Variants in PPP2R5E observed in about 807,000 individuals in gnomAD.
PPP2R5E encodes the protein serine/threonine-protein phosphatase 2A 56 kDa regulatory subunit epsilon isoform.
A neutral mutation model predicts 65.3 loss-of-function variants in PPP2R5E; 4 were observed. The ratio of observed to expected loss-of-function variants is 0.06; its 90% CI spans 0.03 to 0.14. The LOEUF is 0.14. Ranked by LOEUF, PPP2R5E falls within the 10% of genes least tolerant of loss-of-function variation. The probability of loss-of-function intolerance (pLI) is 1.00; values close to 1 mark genes in which losing one functional copy is unlikely to be tolerated. For missense variants in PPP2R5E, 274 were observed against 556.1 expected, an observed-to-expected ratio of 0.49 and a Z score of 5.10; for synonymous variants, 183 against 187.4, an observed-to-expected ratio of 0.98 and a Z score of 0.19.
rs1416255534 is a variant in PPP2R5E at position 63,372,917 on chromosome 14, A to T, written c.*3092T>A. 6.6e-6 allele frequency: 1 copy of T among 152,112 alleles called. No homozygotes were observed. The highest frequency in any genetic ancestry group is 1.5e-5 in the Non-Finnish European group (1 of 68,010). The allele number at this position is 152,112 out of a possible 1,614,324, so 9.4% of individuals were successfully genotyped here. On this transcript the variant is annotated 3_prime_UTR_variant, in exon 14 of 14. Transcript: ENST00000337537. ...TCCAGTGGCATCGAGGGTATTATTT[A>T]TTTCTTTTTTTTTCTTTTCTTTTAT... is the stretch of plus-strand genomic sequence containing the variant.
At chr14:63,403,198 G>A (rs779765340) in intron 5 of PPP2R5E, among the ~76,000 whole-genome samples, 4 of 152,010 alleles carry the variant, frequency 2.6e-5, no homozygotes, top group African/African-American at 7.2e-5. Context: ...AGACGAAGGC[G>A]GGCTGATCAC....
chr14:63,537,619 G>C (rs1220367787), intron 2 of PPP2R5E, among the ~76,000 whole-genome samples: 1 of 152,086 alleles, frequency 6.6e-6, no homozygotes, highest in South Asian at 2.1e-4. Flanking sequence ...GGAAAAAATA[G>C]AAGCTTGAAA....
At chr14:63,448,326 A>T (rs1594886467) in intron 3 of PPP2R5E, among the ~76,000 whole-genome samples, 2 of 152,202 alleles carry the variant, frequency 1.3e-5, no homozygotes, top group East Asian at 1.9e-4. Flanking sequence ...AATAATTTTT[A>T]AAAAGTAACT....
At chr14:63,428,520 T>C (rs1887459166) in intron 3 of PPP2R5E, among the ~76,000 whole-genome samples, 1 of 152,174 alleles carries the variant, frequency 6.6e-6, no homozygotes. Context: ...ATAACACTAA[T>C]ATTAAGAACC....
chr14:63,430,969 T>C (rs2139922254), intron 3 of PPP2R5E, among the ~76,000 whole-genome samples: 1 of 152,196 alleles, frequency 6.6e-6, no homozygotes, highest in African/African-American at 2.4e-5. Context: ...TCTGTTATTA[T>C]AGTATAAAGG....
chr14:63,458,161 G>A (rs999484266), intron 2 of PPP2R5E, among the ~76,000 whole-genome samples: 3 of 152,192 alleles, frequency 2.0e-5, no homozygotes, highest in Non-Finnish European at 4.4e-5. Context: ...TGCAATCTCA[G>A]ATTAAGACAA....
intron 3 of PPP2R5E, among the ~76,000 whole-genome samples, chr14:63,438,850 G>A (rs1317789911): frequency 6.6e-6 from 1 of 152,076 alleles, no homozygotes; most frequent in Non-Finnish European, 1.5e-5. Context: ...GGAGAGAAAT[G>A]CTAAATTATT....
chr14:63,388,242 G>A (rs1216245653), intron 11 of PPP2R5E, among the ~76,000 whole-genome samples: 1 of 151,816 alleles, frequency 6.6e-6, no homozygotes, highest in Non-Finnish European at 1.5e-5. Context: ...CCAGTTTCAA[G>A]CGATTCTCCT....
chr14:63,522,929 C>A (rs1464056003), intron 2 of PPP2R5E, among the ~76,000 whole-genome samples: 1 of 146,404 alleles, frequency 6.8e-6, no homozygotes, highest in Non-Finnish European at 1.5e-5. Flanking sequence ...GCCCTCTACC[C>A]GGCCAGCCGC....
chr14:63,490,073 T>G (rs1182950918), intron 2 of PPP2R5E, among the ~76,000 whole-genome samples: 2 of 152,132 alleles, frequency 1.3e-5, no homozygotes, highest in African/African-American at 4.8e-5. Flanking sequence ...CTCTAGCTAA[T>G]AAGTAGTAAA....
intron 3 of PPP2R5E, among the ~76,000 whole-genome samples, chr14:63,432,445 C>T (rs954187398): frequency 6.6e-6 from 1 of 152,168 alleles, no homozygotes; most frequent in Non-Finnish European, 1.5e-5. Flanking sequence ...AGAAAGGAAT[C>T]TGTCCATGAG....
At chr14:63,536,629 AC>A (rs1893675322) in intron 2 of PPP2R5E, among the ~76,000 whole-genome samples, 2 of 152,370 alleles carry the variant, frequency 1.3e-5, no homozygotes, top group South Asian at 4.1e-4. Flanking sequence ...CCAAGTGTCC[AC>A]CAATGAATTA....
chr14:63,514,580 C>T (rs980906550), intron 2 of PPP2R5E, among the ~76,000 whole-genome samples: 17 of 151,804 alleles, frequency 1.1e-4, no homozygotes, highest in Admixed American at 2.0e-4. Context: ...GAGTAAGAAG[C>T]GATACTATAG....
Position 63,407,390 on chromosome 14 carries a change from C to T in PPP2R5E, c.549+7750G>A, listed in dbSNP as rs370250918. Among the ~76,000 whole-genome samples the T allele has an allele frequency of 9.9e-5, 15 of 152,108 alleles. No homozygotes were observed. In the South Asian group the frequency reaches 1.9e-3, roughly 19 times the overall value. ...ACAAATGGTGAAAGGAAGGAAGCAA[C>T]GAATACTGGGCATAAAAGAATGGTG... On this transcript the variant is annotated intron_variant, in intron 5 of 13. Transcript: ENST00000337537.
chr14:63,428,583 G>A (rs1251860102), intron 3 of PPP2R5E, among the ~76,000 whole-genome samples: 1 of 152,044 alleles, frequency 6.6e-6, no homozygotes, highest in Non-Finnish European at 1.5e-5. Flanking sequence ...TTCAGGGCCC[G>A]GCTGCTCTAT....
intron 2 of PPP2R5E, among the ~76,000 whole-genome samples, chr14:63,520,702 TG>T (rs1892864147): frequency 6.6e-6 from 1 of 151,950 alleles, no homozygotes; most frequent in South Asian, 2.1e-4. Flanking sequence ...CATAGCTGTT[TG>T]CTTCATATAC....
chr14:63,503,120 A>G (rs1391497438), intron 2 of PPP2R5E, among the ~76,000 whole-genome samples: 3 of 152,218 alleles, frequency 2.0e-5, no homozygotes, highest in Non-Finnish European at 2.9e-5. Flanking sequence ...AAAAAATTAC[A>G]TACTATAAGA....
chr14:63,499,914 C>T (rs1314371178), intron 2 of PPP2R5E, among the ~76,000 whole-genome samples: 1 of 152,116 alleles, frequency 6.6e-6, no homozygotes, highest in African/African-American at 2.4e-5. Flanking sequence ...GGTTCCTAGC[C>T]CAATATCTCC....
intron 2 of PPP2R5E, among the ~76,000 whole-genome samples, chr14:63,474,292 C>T (rs1594915572): frequency 6.6e-6 from 1 of 152,220 alleles, no homozygotes; most frequent in East Asian, 1.9e-4. Context: ...TTGGCACTTG[C>T]CCCACTTCTC....
Sources: allele counts gnomAD v4.1 joint callset (sites outside exome capture counted in the v4.1 genomes callset), GRCh38; gene constraint gnomAD v4.1.1; transcripts MANE v1.5; gene names NCBI Gene and HGNC (gene_info 2026-07-23, HGNC 2026-07-21).